PCDHA8: variants seen among roughly 807,000 people sequenced by gnomAD.
PCDHA8 encodes the protein protocadherin alpha 8.
In PCDHA8, 53 loss-of-function variants were observed where a neutral mutation model predicts 61.8. The observed-to-expected ratio is 0.86, with a 90% CI of 0.69 to 1.08. The LOEUF (loss-of-function observed/expected upper bound fraction) is 1.08. Among genes scored for constraint, PCDHA8 ranks in the 50% least tolerant of loss-of-function variants. The pLI is 0.00. For missense variants in PCDHA8, 1,293 were observed against 1,245.0 expected (o/e 1.04, Z -0.58); for synonymous variants, 618 against 556.6 (o/e 1.11, Z -1.55).
intron 3 of PCDHA8, among the ~76,000 whole-genome samples, chr5:141,007,395 C>CAAAAAAAAAA (rs35800918): frequency 8.4e-5 from 8 of 94,862 alleles, no homozygotes; most frequent in African/African-American, 1.7e-4. Flanking sequence ...TACTAAAATA[C>CAAAAAAAAAA]AAAAAAAAAA....
At position 140,842,362 on chromosome 5, in the gene PCDHA8, C is replaced by T. The variant is rs2150334597; in HGVS notation, c.1041C>T (p.Val347=). 2.5e-6 allele frequency: 4 copies of T among 1,607,598 alleles called. No individual in the cohort carries two copies. The highest frequency in any genetic ancestry group is 1.7e-4 in the Middle Eastern group (1 of 6,056). ...GAATTTTGGATAAAAATGATAACGT[C>T]CCTGAGATAGCACTGACTTCCTTAT... is the stretch of plus-strand genomic sequence containing the variant. The part of the protein sequence containing the change: ...LVRILDKNDN[V]PEIALTSLSL... Residue 347 remains valine, a synonymous_variant, in exon 1 of 4, where the codon GTC becomes GTT. Coordinates refer to ENST00000531613, the MANE Select transcript of PCDHA8 (RefSeq NM_018911.3).
chr5:140,946,807 A>G (rs1333101378), intron 1 of PCDHA8, among the ~76,000 whole-genome samples: 3 of 151,418 alleles, frequency 2.0e-5, no homozygotes, highest in Non-Finnish European at 4.4e-5. Context: ...CAGAGAGTAT[A>G]ACAGTGATTA....
Position 140,842,921 on chromosome 5 carries a change from C to T in PCDHA8, c.1600C>T (p.Gln534Ter). 5 of 1,594,348 alleles carry T rather than the reference C, an allele frequency of 3.1e-6. 1 individual carries two copies. Among genetic ancestry groups the T allele is most frequent in the Non-Finnish European group, 4.3e-6 (5 of 1,165,382 alleles). The change falls in exon 1 of 4, where the codon CAG becomes TAG. Residue 534 changes from glutamine to a stop codon, truncating the protein, a stop_gained. Transcript: ENST00000531613. LOFTEE classifies it high-confidence loss of function. The stretch of plus-strand genomic sequence containing the variant: ...CGAGGAGCTAGAGCTGCTGCAGTTC[C>T]AGGTGAGCGCGCGCGACGCGGGCGT... ...DHEELELLQF[Q>*]VSARDAGVPP...
At position 140,844,249 on chromosome 5, in the gene PCDHA8, G is replaced by A. The variant is rs2150370021; in HGVS notation, c.2394+534G>A. Among the ~76,000 whole-genome samples, 545 of 149,548 alleles carry A rather than the reference G, an allele frequency of 3.6e-3. 48 individuals carry two copies. The highest frequency in any genetic ancestry group is 5.8e-3 in the Non-Finnish European group (388 of 66,804). ...TGGTGTTTCACTATTGCCGTTTTAA[G>A]CAGTGTAGTGATAAAATACAGAATG... On this transcript the variant is annotated intron_variant, in intron 1 of 3. Coordinates refer to ENST00000531613, the MANE Select transcript of PCDHA8 (RefSeq NM_018911.3).
chr5:140,858,380 C>G, intron 1 of PCDHA8: 1 of 1,583,962 alleles, frequency 6.3e-7, no homozygotes, highest in South Asian at 1.1e-5. Context: ...TCCACCATGC[C>G]CAATGGTAGA....
chr5:140,983,100 T>C (rs2097027056), intron 3 of PCDHA8, among the ~76,000 whole-genome samples: 1 of 152,232 alleles, frequency 6.6e-6, no homozygotes, highest in African/African-American at 2.4e-5. Flanking sequence ...AATCTGCTTC[T>C]CTCTGCACAT....
intron 3 of PCDHA8, among the ~76,000 whole-genome samples, chr5:141,000,251 G>C (rs2097898188): frequency 6.6e-6 from 1 of 151,264 alleles, no homozygotes; most frequent in Non-Finnish European, 1.5e-5. Context: ...GCTGACACCT[G>C]TGATCCTAGC....
chr5:140,903,550 C>T lies in PCDHA8; in HGVS notation c.2394+59835C>T, dbSNP rs139225982. 2.6e-3 allele frequency among the ~76,000 whole-genome samples: 396 copies of T among 152,250 alleles called. 2 individuals carry two copies. The highest frequency in any genetic ancestry group is 9.3e-3 in the African/African-American group (385 of 41,564). The stretch of plus-strand genomic sequence containing the variant: ...CTTTAAACTAGAGCAAGAAACTTTT[C>T]TAATAAGTGGAATTGGGAGCTGTCT... On this transcript the variant is annotated intron_variant, in intron 1 of 3. Transcript: ENST00000531613.
intron 1 of PCDHA8, among the ~76,000 whole-genome samples, chr5:140,973,202 T>C (rs1266876355): frequency 3.3e-5 from 5 of 152,244 alleles, no homozygotes; most frequent in African/African-American, 1.2e-4. Flanking sequence ...TATGTGTGCA[T>C]ATTCACCCTA....
chr5:140,868,172 ATC>A (rs1554161787), intron 1 of PCDHA8: 1 of 152,152 alleles, frequency 6.6e-6, no homozygotes. Context: ...AAATTTTGAT[ATC>A]TCATATTATG....
chr5:140,979,292 C>T (rs1449910823), intron 2 of PCDHA8, among the ~76,000 whole-genome samples: 1 of 151,814 alleles, frequency 6.6e-6, no homozygotes, highest in African/African-American at 2.4e-5. Flanking sequence ...GTAATTTCAA[C>T]CTCCTTCATC....
At chr5:140,975,779 A>G (rs1439511378) in intron 1 of PCDHA8, among the ~76,000 whole-genome samples, 1 of 152,118 alleles carries the variant, frequency 6.6e-6, no homozygotes, top group Non-Finnish European at 1.5e-5. Context: ...TAATACCATT[A>G]CAAGATAAAT....
chr5:140,873,933 T>C (rs1347981327), intron 1 of PCDHA8, among the ~76,000 whole-genome samples: 3 of 152,228 alleles, frequency 2.0e-5, no homozygotes. Context: ...AGTGCTGGGA[T>C]TACAGGTGTA....
chr5:140,997,672 GTGT>G (rs1226412114), intron 3 of PCDHA8, among the ~76,000 whole-genome samples: 3 of 148,192 alleles, frequency 2.0e-5, no homozygotes, highest in African/African-American at 7.5e-5. Context: ...TACAGCTTGT[GTGT>G]GTGTGTGTGT....
At chr5:140,969,374 G>A (rs1554231740) in intron 1 of PCDHA8, 1 of 1,606,076 alleles carries the variant, frequency 6.2e-7, no homozygotes, top group South Asian at 1.1e-5. Flanking sequence ...TCATGCATTT[G>A]TTACACATCC....
At chr5:140,967,042 G>A (rs781848948) in intron 1 of PCDHA8, 1 of 1,611,904 alleles carries the variant, frequency 6.2e-7, no homozygotes, top group Admixed American at 1.7e-5. Flanking sequence ...ACCTGGAGCT[G>A]GACCTGACGA....
At chr5:140,889,904 TTGTCATAC>T (rs1320793501) in intron 1 of PCDHA8, among the ~76,000 whole-genome samples, 4 of 152,172 alleles carry the variant, frequency 2.6e-5, no homozygotes, top group Non-Finnish European at 5.9e-5. Context: ...TACCTTGAGA[TTGTCATAC>T]TGTAAAGAAG....
rs1554181482 is a variant in PCDHA8, at chr5:140,884,371, C to G, written c.2394+40656C>G. The stretch of plus-strand genomic sequence containing the variant: ...TGGTGGATGTCAATGTTTACTTGAT[C>G]ATTGCCATCTGCGCGGTGTCCAGCC... On this transcript the variant is annotated intron_variant, in intron 1 of 3. Coordinates refer to ENST00000531613, the MANE Select transcript of PCDHA8 (RefSeq NM_018911.3). 2 of 1,613,948 alleles carry G rather than the reference C, an allele frequency of 1.2e-6. No homozygotes were observed. Among genetic ancestry groups the G allele is most frequent in the African/African-American group, 2.7e-5 (2 of 75,052 alleles).
rs1019436942 is a variant in PCDHA8, at chr5:140,858,638, T to C, written c.2394+14923T>C. On this transcript the variant is annotated intron_variant, in intron 1 of 3. Transcript: ENST00000531613. ...TCCTACCCAGTGTGTCAGCCTTTGATTGGTACTTAAATTTTTTTAAATAAC... is the reference window on the plus strand; with the variant it reads ...TCCTACCCAGTGTGTCAGCCTTTGACTGGTACTTAAATTTTTTTAAATAAC... 30 of 971,874 alleles carry C rather than the reference T, an allele frequency of 3.1e-5. 2 individuals carry two copies. The highest frequency in any genetic ancestry group is 4.0e-5 in the Non-Finnish European group (27 of 675,162). 60.2% of individuals were successfully genotyped at this position (971,874 alleles called of 1,614,324 possible). A position where few individuals can be genotyped will look rare whatever the true frequency, so the allele number is the denominator to read the frequency against.
Sources: allele counts gnomAD v4.1 joint callset (sites outside exome capture counted in the v4.1 genomes callset), GRCh38; gene constraint gnomAD v4.1.1; transcripts MANE v1.5; gene names NCBI Gene and HGNC (gene_info 2026-07-23, HGNC 2026-07-21).